Variants in SLC4A10 observed in about 807,000 individuals in gnomAD.
SLC4A10 encodes solute carrier family 4 member 10, also known as sodium-driven chloride bicarbonate exchanger.
Under a neutral mutation model 137.7 loss-of-function variants are expected in SLC4A10, and 42 were observed. The observed-to-expected ratio is 0.30, with a 90% confidence interval of 0.24 to 0.39. The LOEUF is 0.39. SLC4A10 is among the 10% of genes least tolerant of loss of function. The probability of loss-of-function intolerance (pLI) is 1.00; values close to 1 mark genes in which losing one functional copy is unlikely to be tolerated. For synonymous variants in SLC4A10, 474 were observed against 464.1 expected, an observed-to-expected ratio of 1.02 and a Z score of -0.27; for missense variants, 925 against 1,355.0, an observed-to-expected ratio of 0.68 and a Z score of 4.98.
At chr2:161,887,130 T>C (rs2062392054) in intron 10 of SLC4A10, among the ~76,000 whole-genome samples, 1 of 152,184 alleles carries the variant, frequency 6.6e-6, no homozygotes, top group Non-Finnish European at 1.5e-5. Flanking sequence ...CGTGTCCTCT[T>C]TTATGGCTGC....
chr2:161,929,766 C>T (rs1689980484), intron 15 of SLC4A10, among the ~76,000 whole-genome samples: 1 of 152,208 alleles, frequency 6.6e-6, no homozygotes, highest in South Asian at 2.1e-4. Flanking sequence ...TAGAAAATAT[C>T]TCTTCCTCAC....
intron 1 of SLC4A10, among the ~76,000 whole-genome samples, chr2:161,679,026 T>C (rs2040561286): frequency 6.6e-6 from 1 of 152,114 alleles, no homozygotes; most frequent in Admixed American, 6.6e-5. Context: ...TAGTACCTAT[T>C]ACCCAATAGT....
At chr2:161,931,754 G>A (rs1421360033) in intron 15 of SLC4A10, among the ~76,000 whole-genome samples, 2 of 152,072 alleles carry the variant, frequency 1.3e-5, no homozygotes, top group Admixed American at 6.6e-5. Context: ...GAGCGACAGG[G>A]ATTTTGCTAA....
chr2:161,908,771 G>A (rs1288468665), intron 15 of SLC4A10, among the ~76,000 whole-genome samples: 2 of 151,004 alleles, frequency 1.3e-5, no homozygotes, highest in African/African-American at 4.9e-5. Flanking sequence ...GAAATCGTAA[G>A]ATTGATAATT....
intron 1 of SLC4A10, among the ~76,000 whole-genome samples, chr2:161,721,599 T>C (rs1373927742): frequency 6.6e-6 from 1 of 152,184 alleles, no homozygotes; most frequent in Non-Finnish European, 1.5e-5. Flanking sequence ...CTGGCTTTTC[T>C]CTCTGGCTGC....
Position 161,947,665 on chromosome 2 carries a change from T to G in SLC4A10, c.2203T>G (p.Ser735Ala). ...ATTTTGGTCTGTGATCCTGTTCTTTTCCACAGTTACTCTGTCAGCCACCCT... is the reference window on the plus strand; with the variant it reads ...ATTTTGGTCTGTGATCCTGTTCTTTGCCACAGTTACTCTGTCAGCCACCCT... ...VLFWSVILFF[S>A]TVTLSATLKQ... The change falls in exon 17 of 27, where the codon TCC becomes GCC. Residue 735 changes from serine to alanine, a missense_variant. This residue lies in a region of SLC4A10 where 82 missense variants were observed against 151.4 expected (regional missense o/e 0.54). Coordinates refer to ENST00000446997, the MANE Select transcript of SLC4A10 (RefSeq NM_001178015.2). 6.2e-7 allele frequency: 1 copy of G among 1,613,340 alleles called. No homozygotes were observed. The highest frequency in any genetic ancestry group is 8.5e-7 in the Non-Finnish European group (1 of 1,179,412).
rs373504929 is a variant in SLC4A10, at chr2:161,975,259, A to G, written c.3227+943A>G. The stretch of plus-strand genomic sequence containing the variant: ...ATCCTGTTGATTGTTTAGCTGAACC[A>G]GCATATTTCCAAGTGTATTAGGTAG... On this transcript the variant is annotated intron_variant, in intron 24 of 26. Coordinates refer to ENST00000446997, the MANE Select transcript of SLC4A10 (RefSeq NM_001178015.2). Among the ~76,000 whole-genome samples the G allele has an allele frequency of 7.9e-5, 12 of 152,308 alleles. 1 individual carries two copies. In the South Asian group the frequency reaches 2.3e-3, roughly 29 times the overall value.
chr2:161,865,338 GC>G (rs2060675966), intron 6 of SLC4A10, among the ~76,000 whole-genome samples: 1 of 151,990 alleles, frequency 6.6e-6, no homozygotes, highest in Non-Finnish European at 1.5e-5. Context: ...TTTTCTGAGA[GC>G]CTGCTTTTTG....
chr2:161,782,676 A>G (rs1267893276), intron 2 of SLC4A10, among the ~76,000 whole-genome samples: 2 of 149,960 alleles, frequency 1.3e-5, no homozygotes, highest in East Asian at 3.9e-4. Context: ...AGGAATCATG[A>G]AGTTGAAGAA....
At chr2:161,903,972 G>T (rs559972387) in intron 12 of SLC4A10, 32 bp from the exon 13 acceptor site, 2 of 1,527,594 alleles carry the variant, frequency 1.3e-6, no homozygotes, top group Admixed American at 2.1e-5. Flanking sequence ...TTATATTTGG[G>T]TTTCACTATT....
At chr2:161,905,463 C>T (rs1226992976) in intron 14 of SLC4A10, among the ~76,000 whole-genome samples, 179 bp from the exon 15 acceptor site, 2 of 152,228 alleles carry the variant, frequency 1.3e-5, no homozygotes, top group African/African-American at 4.8e-5. Flanking sequence ...CTTTTCATAA[C>T]AGGCCATGGA....
At chr2:161,728,781 A>G (rs35400629) in intron 1 of SLC4A10, among the ~76,000 whole-genome samples, 12 of 152,304 alleles carry the variant, frequency 7.9e-5, no homozygotes, top group Admixed American at 4.6e-4. Context: ...AATATCCCTC[A>G]TGAACATCAA....
chr2:161,782,376 T>C (rs2053132233), intron 2 of SLC4A10, among the ~76,000 whole-genome samples: 1 of 151,960 alleles, frequency 6.6e-6, no homozygotes, highest in South Asian at 2.1e-4. Flanking sequence ...GGTGGGGATC[T>C]TCCATATAAG....
intron 15 of SLC4A10, among the ~76,000 whole-genome samples, chr2:161,907,501 G>C (rs1322420700): frequency 6.6e-6 from 1 of 152,208 alleles, no homozygotes; most frequent in African/African-American, 2.4e-5. Flanking sequence ...ATCATATTCT[G>C]TCCTCAGTGA....
intron 15 of SLC4A10, among the ~76,000 whole-genome samples, chr2:161,914,384 A>G (rs532582231): frequency 6.6e-6 from 1 of 152,278 alleles, no homozygotes; most frequent in East Asian, 1.9e-4. Context: ...TTCTCTCTCT[A>G]CAAGACTGTT....
intron 1 of SLC4A10, among the ~76,000 whole-genome samples, chr2:161,656,697 T>C (rs866528771): frequency 3.9e-5 from 6 of 152,270 alleles, no homozygotes; most frequent in Middle Eastern, 3.4e-3. Flanking sequence ...CAGCTGACCA[T>C]TTAAAAATTT....
At chr2:161,710,547 AC>A in intron 1 of SLC4A10, 1 of 227,894 alleles carries the variant, frequency 4.4e-6, no homozygotes, top group Middle Eastern at 4.8e-4. Context: ...TTCAAAATAT[AC>A]TACAATAAAA....
At chr2:161,782,620 T>A (rs2053170003) in intron 2 of SLC4A10, among the ~76,000 whole-genome samples, 2 of 150,532 alleles carry the variant, frequency 1.3e-5, no homozygotes, top group East Asian at 2.0e-4. Context: ...ATGAACAAAG[T>A]GAGAATTTCA....
chr2:161,832,069 T>C (rs2058468961), intron 3 of SLC4A10, among the ~76,000 whole-genome samples: 1 of 152,186 alleles, frequency 6.6e-6, no homozygotes, highest in African/African-American at 2.4e-5. Context: ...AGATAATGTC[T>C]CCTTATGGGG....
Sources: gnomAD v4.1 joint callset for allele counts (sites outside exome capture counted in the v4.1 genomes callset) on GRCh38, gnomAD v4.1.1 for gene constraint, gnomAD v4.1.1 regional missense constraint, MANE v1.5 for transcripts, NCBI Gene and HGNC (gene_info 2026-07-23, HGNC 2026-07-21) for gene names.